The following ITCH variants were observed in gnomAD, a reference collection of about 807,000 sequenced individuals.
The protein encoded by ITCH is E3 ubiquitin-protein ligase Itchy homolog.
ITCH carries 28 observed loss-of-function variants against 126.8 expected under a neutral mutation model. That is an observed-to-expected ratio of 0.22 (90% CI 0.16 to 0.30). The LOEUF (loss-of-function observed/expected upper bound fraction) is 0.30, where lower values mean the gene tolerates loss of function less well. Among genes scored for constraint, ITCH ranks in the 10% least tolerant of loss-of-function variants. ITCH has a pLI of 1.00. For missense variants in ITCH, 631 were observed against 1,032.4 expected (o/e 0.61, Z 5.33); for synonymous variants, 342 against 340.0 (o/e 1.01, Z -0.06).
At chr20:34,461,052 A>G (rs995733855) in intron 13 of ITCH, among the ~76,000 whole-genome samples, 18 of 152,264 alleles carry the variant, frequency 1.2e-4, no homozygotes, top group Middle Eastern at 3.4e-3. Flanking sequence ...TTGCCTTAGT[A>G]GAAAAACAGT....
chr20:34,385,222 G>GTGGTT (rs2038237540), intron 2 of ITCH, among the ~76,000 whole-genome samples: 20 of 85,140 alleles, frequency 2.3e-4, no homozygotes, highest in Non-Finnish European at 2.3e-4. Flanking sequence ...TGTGTGTGTG[G>GTGGTT]TTTTTTTTTT....
chr20:34,364,890 C>CAAAA (rs1234445956), intron 1 of ITCH, among the ~76,000 whole-genome samples: 5 of 42,498 alleles, frequency 1.2e-4, no homozygotes, highest in African/African-American at 1.8e-4. Flanking sequence ...GACTCCGCCT[C>CAAAA]AAAAAAAAAA....
At chr20:34,491,659 T>C (rs991760620) in intron 22 of ITCH, among the ~76,000 whole-genome samples, 19 of 152,328 alleles carry the variant, frequency 1.2e-4, no homozygotes, top group Non-Finnish European at 2.5e-4. Context: ...ATTACAATTG[T>C]AGGATAATTA....
chr20:34,421,222 C>T (rs1482673921), intron 6 of ITCH, among the ~76,000 whole-genome samples: 1 of 152,210 alleles, frequency 6.6e-6, no homozygotes, highest in South Asian at 2.1e-4. Flanking sequence ...TCAAGCAGTC[C>T]TCCTGCCTCA....
At chr20:34,469,247 ACACT>A (rs1987392917) in intron 14 of ITCH, among the ~76,000 whole-genome samples, 2 of 135,004 alleles carry the variant, frequency 1.5e-5, no homozygotes, top group South Asian at 2.4e-4. Context: ...ACACACACAC[ACACT>A]CACACACTTT....
At chr20:34,414,901 A>G (rs1979614652) in intron 6 of ITCH, among the ~76,000 whole-genome samples, 1 of 152,200 alleles carries the variant, frequency 6.6e-6, no homozygotes, top group Non-Finnish European at 1.5e-5. Flanking sequence ...AATTCATTAT[A>G]TGTGTGTTAG....
intron 22 of ITCH, 134 bp downstream of exon 22, chr20:34,490,060 T>G (rs1369763804): frequency 4.3e-6 from 3 of 691,846 alleles, no homozygotes; most frequent in Non-Finnish European, 7.8e-6. Context: ...TTATAATAAA[T>G]GAATACAGAT....
At chr20:34,449,080 C>G (rs1431936410) in intron 11 of ITCH, among the ~76,000 whole-genome samples, 1 of 151,586 alleles carries the variant, frequency 6.6e-6, no homozygotes, top group Non-Finnish European at 1.5e-5. Flanking sequence ...TTGTAAATGA[C>G]TTTTGGGGGG....
Position 34,489,879 on chromosome 20 carries a change from T to C in ITCH, c.2272T>C (p.Tyr758His). ...GAATGACTGGCAAAGACATGCCATC[T>C]ACCGTCATTATGCAAGGACCAGCAA... is the stretch of plus-strand genomic sequence containing the variant. ...DLNDWQRHAI[Y>H]RHYARTSKQI... Residue 758 changes from tyrosine to histidine, a missense_variant, in exon 22 of 25, where the codon TAC becomes CAC. Physicochemically the swap from Tyr to His is moderately conservative, Grantham distance 83. Coordinates refer to ENST00000374864, the MANE Select transcript of ITCH (RefSeq NM_031483.7). 1 of 1,614,084 alleles carries C rather than the reference T, an allele frequency of 6.2e-7. No homozygotes were observed. The highest frequency in any genetic ancestry group is 8.5e-7 in the Non-Finnish European group (1 of 1,179,974).
At chr20:34,433,261 C>T (rs988241798) in intron 7 of ITCH, among the ~76,000 whole-genome samples, 2 of 152,196 alleles carry the variant, frequency 1.3e-5, no homozygotes, top group East Asian at 1.9e-4. Context: ...TTGCACTCCA[C>T]CCTGGGGGAC....
intron 23 of ITCH, among the ~76,000 whole-genome samples, chr20:34,503,811 A>G (rs1281957365): frequency 7.1e-6 from 1 of 140,932 alleles, no homozygotes; most frequent in Non-Finnish European, 1.5e-5. Context: ...CCTGACCCCT[A>G]GAGTTTCTTT....
At chr20:34,482,758 C>T (rs911657386) in intron 20 of ITCH, among the ~76,000 whole-genome samples, 40 of 152,182 alleles carry the variant, frequency 2.6e-4, no homozygotes, top group African/African-American at 9.2e-4. Context: ...CTCACAGCTC[C>T]ACTAGGCAGT....
intron 3 of ITCH, among the ~76,000 whole-genome samples, chr20:34,405,617 A>G (rs1395661669): frequency 6.6e-6 from 1 of 152,144 alleles, no homozygotes; most frequent in Non-Finnish European, 1.5e-5. Flanking sequence ...TCAGAGTGCC[A>G]CAAGAGGCCC....
chr20:34,420,594 A>G (rs1980628498), intron 6 of ITCH, among the ~76,000 whole-genome samples: 2 of 152,206 alleles, frequency 1.3e-5, no homozygotes, highest in South Asian at 4.1e-4. Context: ...TCTTTTGGAT[A>G]TATACCTAGG....
chr20:34,414,219 G>A (rs1332847733), intron 6 of ITCH, among the ~76,000 whole-genome samples: 1 of 150,764 alleles, frequency 6.6e-6, no homozygotes, highest in Non-Finnish European at 1.5e-5. Context: ...TTTCTTTTTA[G>A]TGTATTATTT....
intron 4 of ITCH, among the ~76,000 whole-genome samples, chr20:34,410,909 C>T (rs2146159892): frequency 6.6e-6 from 1 of 152,188 alleles, no homozygotes; most frequent in Non-Finnish European, 1.5e-5. Flanking sequence ...TAGTGCTGTT[C>T]TTGATTACAA....
intron 20 of ITCH, among the ~76,000 whole-genome samples, chr20:34,485,059 T>A (rs1989012999): frequency 6.6e-6 from 1 of 152,200 alleles, no homozygotes; most frequent in Non-Finnish European, 1.5e-5. Flanking sequence ...ATATCTAGCT[T>A]TTAGTGTCTG....
At chr20:34,492,439 C>T in intron 22 of ITCH, 62 bp from the exon 23 acceptor site, 1 of 1,046,458 alleles carries the variant, frequency 9.6e-7, no homozygotes, top group African/African-American at 1.6e-5. Context: ...ATTTTTCTTT[C>T]TTGTTTAGTG....
At chr20:34,405,537 G>A (rs1021771123) in intron 3 of ITCH, among the ~76,000 whole-genome samples, 1 of 151,836 alleles carries the variant, frequency 6.6e-6, no homozygotes, top group South Asian at 2.1e-4. Context: ...ATCCTAGAAA[G>A]CCCCAACAGG....
Sources: allele counts gnomAD v4.1 joint callset (sites outside exome capture counted in the v4.1 genomes callset), GRCh38; gene constraint gnomAD v4.1.1; transcripts MANE v1.5; gene names NCBI Gene and HGNC (gene_info 2026-07-23, HGNC 2026-07-21).